The following P2RX3 variants were observed in gnomAD, a reference collection of about 807,000 sequenced individuals.
P2RX3 encodes purinergic receptor P2X 3.
A neutral mutation model predicts 51.5 loss-of-function variants in P2RX3; 41 were observed. That is an observed-to-expected ratio of 0.80 (90% CI 0.62 to 1.03). The LOEUF is 1.03. Ranked by LOEUF, P2RX3 falls within the 50% of genes least tolerant of loss-of-function variation. The pLI is 0.00. For missense variants in P2RX3, 459 were observed against 522.1 expected (o/e 0.88, Z 1.18); for synonymous variants, 185 against 191.6 (o/e 0.97, Z 0.29).
Position 57,347,444 on chromosome 11 carries a change from C to T in P2RX3, c.357C>T (p.Asp119=). 3.2e-6 allele frequency: 5 copies of T among 1,559,344 alleles called. No individual in the cohort carries two copies. The highest frequency in any genetic ancestry group is 4.3e-6 in the Non-Finnish European group (5 of 1,151,206). The change falls in exon 4 of 12, where the codon GAC becomes GAT. Residue 119 remains aspartate (D), a synonymous_variant. Coordinates refer to ENST00000263314, the MANE Select transcript of P2RX3 (RefSeq NM_002559.5). The part of the protein sequence containing the change: ...ESEEKYRCVS[D]SQCGPERLPG... The stretch of plus-strand genomic sequence containing the variant: ...AGGAGAAATACCGCTGTGTATCAGA[C>T]AGCCAGTGCGGGCCTGAGCGCTTGC...
intron 8 of P2RX3, among the ~76,000 whole-genome samples, chr11:57,358,341 T>C (rs184039858): frequency 6.6e-6 from 1 of 152,362 alleles, no homozygotes; most frequent in East Asian, 1.9e-4. Context: ...TTATATCACA[T>C]GCTGGGCTTT....
Position 57,370,035 on chromosome 11 carries a change from G to T in P2RX3, c.*38G>T. On this transcript the variant is annotated 3_prime_UTR_variant, in exon 12 of 12. Transcript: ENST00000263314. ...GGGCCCCACACTCACAAAGGCTCCA[G>T]GCCTCCCCACAGAGGACCCTGCCTG... The T allele has an allele frequency of 6.8e-7, 1 of 1,460,090 alleles. No individual in the cohort carries two copies. Among genetic ancestry groups the T allele is most frequent in the Non-Finnish European group, 9.5e-7 (1 of 1,048,092 alleles). 90.4% of individuals were successfully genotyped at this position (1,460,090 alleles called of 1,614,324 possible). A position where few individuals can be genotyped will look rare whatever the true frequency, so the allele number is the denominator to read the frequency against.
chr11:57,337,407 CTAACAAATGACTT>C (rs1055294098), upstream of P2RX3, among the ~76,000 whole-genome samples: 1 of 131,520 alleles, frequency 7.6e-6, no homozygotes, highest in African/African-American at 2.8e-5. Context: ...AAAACATAAT[CTAACAAATGACTT>C]TAATAAATAA....
intron 7 of P2RX3, 143 bp downstream of exon 7, chr11:57,350,041 T>C (rs1856516105): frequency 1.5e-6 from 2 of 1,311,862 alleles, no homozygotes; most frequent in South Asian, 2.8e-5. Context: ...CGCCACTGGC[T>C]TTGTGCCTGA....
intron 8 of P2RX3, among the ~76,000 whole-genome samples, chr11:57,362,886 T>G (rs1015664826): frequency 1.3e-4 from 20 of 152,224 alleles, no homozygotes; most frequent in African/African-American, 3.9e-4. Context: ...TGTTGGCTGT[T>G]ATTATTACTA....
chr11:57,361,734 C>T (rs139356127), intron 8 of P2RX3, among the ~76,000 whole-genome samples: 10 of 152,232 alleles, frequency 6.6e-5, no homozygotes, highest in African/African-American at 2.4e-4. Context: ...CTATTGTGAA[C>T]AGTGCTGCAA....
chr11:57,343,781 T>C (rs1468087908), intron 1 of P2RX3, among the ~76,000 whole-genome samples: 1 of 152,056 alleles, frequency 6.6e-6, no homozygotes, highest in African/African-American at 2.4e-5. Flanking sequence ...CAGAAGGGTG[T>C]GTTTAGACCA....
chr11:57,362,528 C>A (rs1856736782), intron 8 of P2RX3, among the ~76,000 whole-genome samples: 1 of 152,176 alleles, frequency 6.6e-6, no homozygotes, highest in Non-Finnish European at 1.5e-5. Context: ...TGCTCCCAGC[C>A]AGTGACTCTG....
Position 57,348,111 on chromosome 11 carries a change from AG to A in P2RX3, c.392-57del. ...GATGGGGGGAAGGGAAGAGGGAGGA[AG>A]GAAAGGGAGAGGAGCAAAGGGCAGG... On this transcript the variant is annotated intron_variant, in intron 4 of 11. Coordinates refer to ENST00000263314, the MANE Select transcript of P2RX3 (RefSeq NM_002559.5). 5 of 1,414,238 alleles carry A rather than the reference AG, an allele frequency of 3.5e-6. No homozygotes were observed. The South Asian group carries it at 5.2e-5, about 15-fold the overall frequency. 87.6% of individuals were successfully genotyped at this position (1,414,238 alleles called of 1,614,324 possible).
In P2RX3 at chr11:57,368,134, C is replaced by CA. The variant is rs773687136; in HGVS notation, c.936+33dup. ...CCATGGGCCAGGCAGATGGGGTGGACAGGGGAGGCAGCCCAGACCACCTCT... is the reference window on the plus strand; with the variant it reads ...CCATGGGCCAGGCAGATGGGGTGGACAAGGGGAGGCAGCCCAGACCACCTCT... On this transcript the variant is annotated intron_variant, in intron 9 of 11. Transcript: ENST00000263314. The CA allele has an allele frequency of 6.9e-6, 11 of 1,592,824 alleles. No homozygotes were observed. In the Admixed American group the frequency reaches 1.3e-4, roughly 19 times the overall value.
At chr11:57,364,397 C>G (rs1410418212) in intron 8 of P2RX3, among the ~76,000 whole-genome samples, 1 of 152,218 alleles carries the variant, frequency 6.6e-6, no homozygotes, top group Non-Finnish European at 1.5e-5. Flanking sequence ...AATCCCAGCT[C>G]TGGCAAGTTA....
chr11:57,346,700 G>A, intron 2 of P2RX3, 21 bp downstream of exon 2: 1 of 1,611,698 alleles, frequency 6.2e-7, no homozygotes, highest in Non-Finnish European at 8.5e-7. Flanking sequence ...CCTACCCAGA[G>A]AGGCATGTGG....
chr11:57,369,770 G>A, intron 11 of P2RX3, 114 bp from the exon 12 acceptor site: 2 of 751,630 alleles, frequency 2.7e-6, no homozygotes, highest in Non-Finnish European at 4.6e-6. Flanking sequence ...CAGATGTCCT[G>A]GCTCCCCTCA....
At chr11:57,369,790 C>T (rs895986838) in intron 11 of P2RX3, 94 bp from the exon 12 acceptor site, 61 of 877,006 alleles carry the variant, frequency 7.0e-5, no homozygotes, top group Non-Finnish European at 1.1e-4. Flanking sequence ...ATGACTAGGT[C>T]ATGGGCGCCC....
chr11:57,338,901 CA>C (rs1856286913), intron 1 of P2RX3, among the ~76,000 whole-genome samples: 1 of 152,178 alleles, frequency 6.6e-6, no homozygotes, highest in African/African-American at 2.4e-5. Context: ...AGATTGGTTT[CA>C]AGACACACGC....
intron 8 of P2RX3, among the ~76,000 whole-genome samples, chr11:57,357,251 C>T (rs968706294): frequency 2.6e-5 from 4 of 152,106 alleles, no homozygotes; most frequent in Non-Finnish European, 5.9e-5. Flanking sequence ...AACCCAGAGA[C>T]GGAGGTTGTA....
At chr11:57,347,339 G>C in intron 3 of P2RX3, 76 bp from the exon 4 acceptor site, 1 of 1,509,348 alleles carries the variant, frequency 6.6e-7, no homozygotes, top group Non-Finnish European at 9.0e-7. Context: ...GTTGGTTATG[G>C]GGAGGTCGAG....
intron 1 of P2RX3, among the ~76,000 whole-genome samples, chr11:57,341,516 C>T (rs1281183376): frequency 1.3e-5 from 2 of 152,148 alleles, no homozygotes; most frequent in Non-Finnish European, 2.9e-5. Context: ...CCAGGGCACA[C>T]AGAGAGGCCT....
At chr11:57,347,853 G>C (rs1434374451) in intron 4 of P2RX3, among the ~76,000 whole-genome samples, 1 of 152,204 alleles carries the variant, frequency 6.6e-6, no homozygotes, top group East Asian at 1.9e-4. Context: ...TGGCAGGACA[G>C]AGGGGGCTTC....
Sources: gnomAD v4.1 joint callset for allele counts (sites outside exome capture counted in the v4.1 genomes callset) on GRCh38, gnomAD v4.1.1 for gene constraint, MANE v1.5 for transcripts, NCBI Gene and HGNC (gene_info 2026-07-23, HGNC 2026-07-21) for gene names.